Variants in INSYN2B observed in about 807,000 individuals in gnomAD.
The protein encoded by INSYN2B is protein INSYN2B.
Under a neutral mutation model 41.2 loss-of-function variants are expected in INSYN2B, and 16 were observed. The ratio of observed to expected loss-of-function variants is 0.39; its 90% CI spans 0.26 to 0.59. The LOEUF is 0.59. Ranked by LOEUF, INSYN2B falls within the 20% of genes least tolerant of loss-of-function variation. INSYN2B has a pLI of 0.57. For missense variants in INSYN2B, 608 were observed against 646.4 expected (o/e 0.94, Z 0.64); for synonymous variants, 245 against 244.4 (o/e 1.00, Z -0.02).
intron 1 of INSYN2B, among the ~76,000 whole-genome samples, chr5:169,891,430 G>A (rs1561800140): frequency 1.3e-5 from 2 of 152,204 alleles, no homozygotes; most frequent in South Asian, 2.1e-4. Context: ...GAACAGAGAA[G>A]TTTAAAACTT....
At chr5:169,953,986 A>C (rs1235229714) in intron 1 of INSYN2B, among the ~76,000 whole-genome samples, 3 of 152,262 alleles carry the variant, frequency 2.0e-5, no homozygotes. Flanking sequence ...GCTGGCACAG[A>C]GTAAGTGATT....
rs1051976694 is a variant in INSYN2B, at chr5:169,923,438, C to G, written c.-918-38622G>C. ...ATAGATGTTGATGCTGACTTATTAGCAACCTATTTGTTAGCAGCACATGCG... is the reference window on the plus strand; with the variant it reads ...ATAGATGTTGATGCTGACTTATTAGGAACCTATTTGTTAGCAGCACATGCG... On this transcript the variant is annotated intron_variant, in intron 1 of 3. Transcript: ENST00000377365. 5.9e-5 allele frequency among the ~76,000 whole-genome samples: 9 copies of G among 152,196 alleles called. No homozygotes were observed. The East Asian group carries it at 1.7e-3, about 29-fold the overall frequency.
At chr5:169,900,112 T>C (rs1250741852) in intron 1 of INSYN2B, among the ~76,000 whole-genome samples, 1 of 152,162 alleles carries the variant, frequency 6.6e-6, no homozygotes, top group African/African-American at 2.4e-5. Flanking sequence ...GTGCCAAACA[T>C]TGTGCTGGGC....
At chr5:169,927,847 ACC>A (rs1775548122) in intron 1 of INSYN2B, among the ~76,000 whole-genome samples, 1 of 152,012 alleles carries the variant, frequency 6.6e-6, no homozygotes, top group Non-Finnish European at 1.5e-5. Flanking sequence ...CAATCTCCTG[ACC>A]TCATGATCCA....
chr5:169,886,379 A>G (rs908731691), intron 1 of INSYN2B, among the ~76,000 whole-genome samples: 1 of 152,220 alleles, frequency 6.6e-6, no homozygotes, highest in African/African-American at 2.4e-5. Context: ...AATTGGTTCT[A>G]TGTTTCAATG....
chr5:169,879,698 T>C (rs928492266), intron 3 of INSYN2B, among the ~76,000 whole-genome samples: 30 of 152,180 alleles, frequency 2.0e-4, no homozygotes, highest in Admixed American at 1.8e-3. Context: ...AGCCAAATAT[T>C]GTCACTTTTA....
At chr5:169,874,590 T>G (rs13355609) in intron 3 of INSYN2B, among the ~76,000 whole-genome samples, 1 of 151,848 alleles carries the variant, frequency 6.6e-6, no homozygotes, top group Non-Finnish European at 1.5e-5. Context: ...ATGGTCAGCA[T>G]TTGGACACCC....
intron 3 of INSYN2B, among the ~76,000 whole-genome samples, chr5:169,869,475 T>G (rs1458330339): frequency 1.3e-5 from 2 of 152,184 alleles, no homozygotes; most frequent in Non-Finnish European, 2.9e-5. Context: ...AAAGGAAAAT[T>G]GCCACTTTTC....
intron 1 of INSYN2B, among the ~76,000 whole-genome samples, chr5:169,891,251 C>T (rs1271218365): frequency 6.6e-6 from 1 of 152,198 alleles, no homozygotes; most frequent in Non-Finnish European, 1.5e-5. Context: ...CCCTGACCCC[C>T]TCTCCCCTTC....
chr5:169,862,433 C>G lies in INSYN2B; in HGVS notation c.*1840G>C, dbSNP rs112031353. 6.6e-6 allele frequency among the ~76,000 whole-genome samples: 1 copy of G among 152,148 alleles called. No homozygotes were observed. Among genetic ancestry groups the G allele is most frequent in the Non-Finnish European group, 1.5e-5 (1 of 68,030 alleles). ...ACATAAGAGGTCCCAAATGATTTCACTTTATTGGATTATCCTCTATTCTGT... is the reference window on the plus strand; with the variant it reads ...ACATAAGAGGTCCCAAATGATTTCAGTTTATTGGATTATCCTCTATTCTGT... On this transcript the variant is annotated 3_prime_UTR_variant, in exon 4 of 4. Coordinates refer to ENST00000377365, the MANE Select transcript of INSYN2B (RefSeq NM_001129891.3).
At chr5:169,963,057 TTCCCA>T (rs1561853666) in intron 1 of INSYN2B, among the ~76,000 whole-genome samples, 1 of 152,166 alleles carries the variant, frequency 6.6e-6, no homozygotes, top group African/African-American at 2.4e-5. Context: ...ACAGTTACAG[TTCCCA>T]TCCCTGAAAT....
chr5:169,977,012 A>G (rs995866543), intron 1 of INSYN2B, among the ~76,000 whole-genome samples: 4 of 152,348 alleles, frequency 2.6e-5, no homozygotes, highest in East Asian at 1.9e-4. Flanking sequence ...TGTCCTGGGT[A>G]ACCAAAGAAT....
chr5:169,866,068 T>G (rs73801670), intron 3 of INSYN2B, among the ~76,000 whole-genome samples: 53 of 136,110 alleles, frequency 3.9e-4, no homozygotes, highest in African/African-American at 1.3e-3. Flanking sequence ...GACTGATGGG[T>G]TGTTGCAGGG....
rs114580594 is a variant in INSYN2B, at chr5:169,909,382, A to G, written c.-918-24566T>C. 4.5e-3 allele frequency among the ~76,000 whole-genome samples: 691 copies of G among 152,328 alleles called. 2 individuals are homozygous for G. The highest frequency in any genetic ancestry group is 0.016 in the African/African-American group (655 of 41,574). ...TGATTAAGGAAATGAAATCAGTGGG[A>G]CATAGAATATTTCAGAAAGATGCTA... On this transcript the variant is annotated intron_variant, in intron 1 of 3. Coordinates refer to ENST00000377365, the MANE Select transcript of INSYN2B (RefSeq NM_001129891.3).
At chr5:169,938,423 C>G (rs1776087180) in intron 1 of INSYN2B, among the ~76,000 whole-genome samples, 1 of 152,142 alleles carries the variant, frequency 6.6e-6, no homozygotes, top group African/African-American at 2.4e-5. Flanking sequence ...TAAGGTAGAG[C>G]CTATTGCTCC....
chr5:169,883,641 G>A lies in INSYN2B; in HGVS notation c.258C>T (p.Ser86=). The change falls in exon 2 of 4, where the codon TCC becomes TCT. Residue 86 remains serine (S), a synonymous_variant. Transcript: ENST00000377365. The part of the protein sequence containing the change: ...PPTYSLSFPR[S]QKAGGFRNIA... ...TGTTGCGAAAGCCCCCTGCCTTCTG[G>A]GACCTGGGGAAGGAGAGCGAGTAGG... 4 of 1,551,360 alleles carry A rather than the reference G, an allele frequency of 2.6e-6. No individual in the cohort carries two copies. The South Asian group carries it at 3.6e-5, about 14-fold the overall frequency.
intron 1 of INSYN2B, among the ~76,000 whole-genome samples, chr5:169,947,311 A>C (rs1776488977): frequency 6.6e-6 from 1 of 152,248 alleles, no homozygotes; most frequent in Non-Finnish European, 1.5e-5. Flanking sequence ...GGGTCTTGGA[A>C]TAGGACAGAA....
At position 169,861,938 on chromosome 5, in the gene INSYN2B, C is replaced by CT. The variant is rs60375082; in HGVS notation, c.*2334dup. On this transcript the variant is annotated 3_prime_UTR_variant, in exon 4 of 4. Coordinates refer to ENST00000377365, the MANE Select transcript of INSYN2B (RefSeq NM_001129891.3). The stretch of plus-strand genomic sequence containing the variant: ...TTATTTTTTTCTTTTCTTTTCTTTT[C>CT]TTTTTTTTTTGTTGGGGAAGTGCAG... Among the ~76,000 whole-genome samples, 53,304 of 147,116 alleles carry CT rather than the reference C, an allele frequency of 0.36. 10,320 individuals carry two copies. Among genetic ancestry groups the CT allele is most frequent in the Admixed American group, 0.44 (6,577 of 14,834 alleles).
At chr5:169,918,730 T>C (rs1775014569) in intron 1 of INSYN2B, among the ~76,000 whole-genome samples, 1 of 152,118 alleles carries the variant, frequency 6.6e-6, no homozygotes, top group Admixed American at 6.5e-5. Flanking sequence ...CTGACCAGCA[T>C]GGTGAAACCC....
Sources: gnomAD v4.1 joint callset for allele counts (sites outside exome capture counted in the v4.1 genomes callset) on GRCh38, gnomAD v4.1.1 for gene constraint, MANE v1.5 for transcripts, NCBI Gene and HGNC (gene_info 2026-07-23, HGNC 2026-07-21) for gene names.